The following CCDC40 variants were observed in gnomAD, a reference collection of about 807,000 sequenced individuals.
The protein encoded by CCDC40 is coiled-coil domain 40 molecular ruler complex subunit.
Under a neutral mutation model 124.5 loss-of-function variants are expected in CCDC40, and 104 were observed. The observed-to-expected ratio is 0.84, with a 90% confidence interval of 0.71 to 0.98. The LOEUF is 0.98. CCDC40 is among the 50% of genes least tolerant of loss of function. The pLI is 0.00. For missense variants in CCDC40, 1,463 were observed against 1,503.9 expected (o/e 0.97, Z 0.45); for synonymous variants, 580 against 602.9 (o/e 0.96, Z 0.56).
intron 16 of CCDC40, among the ~76,000 whole-genome samples, chr17:80,089,400 A>G (rs1180100058): frequency 6.6e-6 from 1 of 152,242 alleles, no homozygotes; most frequent in Admixed American, 6.5e-5. Context: ...CTTTGGTGAC[A>G]TTTAAATAGC....
At position 80,099,733 on chromosome 17, in the gene CCDC40, C is replaced by G; in HGVS notation, c.3387C>G (p.Ser1129Arg). 1 of 1,613,612 alleles carries G rather than the reference C, an allele frequency of 6.2e-7. No individual in the cohort carries two copies. ...PQFQEALHKV[S>R]QMIANKLESP... is the part of the protein sequence containing the mutation. ...TCCAGGAGGCCCTGCACAAGGTCAG[C>G]CAGATGATCGCCAACAAGCTCGAGT... Residue 1129 changes from serine to arginine, a missense_variant, in exon 20 of 20, where the codon AGC becomes AGG. Physicochemically the swap from Ser to Arg is moderately radical, Grantham distance 110. Transcript: ENST00000397545.
At chr17:80,090,643 C>A in intron 17 of CCDC40, 1 of 1,445,418 alleles carries the variant, frequency 6.9e-7, no homozygotes, top group South Asian at 1.4e-5. Context: ...CAGAGAGCAC[C>A]CCCATCTCAT....
intron 3 of CCDC40, among the ~76,000 whole-genome samples, chr17:80,046,916 G>A (rs2037434373): frequency 6.6e-6 from 1 of 152,180 alleles, no homozygotes; most frequent in African/African-American, 2.4e-5. Context: ...TGTGATCTCT[G>A]CTCACTGCAA....
chr17:80,072,488 C>G (rs1431975305), intron 10 of CCDC40, among the ~76,000 whole-genome samples: 1 of 152,080 alleles, frequency 6.6e-6, no homozygotes, highest in African/African-American at 2.4e-5. Flanking sequence ...TTTTTATTGT[C>G]AAATTTAGAC....
At chr17:80,090,572 T>C in intron 17 of CCDC40, 4 of 1,499,440 alleles carry the variant, frequency 2.7e-6, no homozygotes, top group East Asian at 2.5e-5. Flanking sequence ...GTTGTAACCC[T>C]CAAACTTTGT....
chr17:80,090,332 CACGTGCACGAACAAGGGACGCGCGCA>C, intron 17 of CCDC40: 2 of 639,910 alleles, frequency 3.1e-6, no homozygotes, highest in Non-Finnish European at 4.7e-6. Context: ...CGCGCGCAGG[CACGTGCACGAACAAGGGACGCGCGCA>C]GGCACGTGCA....
chr17:80,073,416 T>C (rs1348160775), intron 10 of CCDC40, among the ~76,000 whole-genome samples: 1 of 152,234 alleles, frequency 6.6e-6, no homozygotes, highest in Admixed American at 6.5e-5. Context: ...TATTTCAAAC[T>C]TTTTCATTGT....
chr17:80,083,373 T>A (rs530078097), intron 12 of CCDC40, among the ~76,000 whole-genome samples: 3 of 152,098 alleles, frequency 2.0e-5, no homozygotes, highest in South Asian at 2.1e-4. Context: ...GGACATTGGG[T>A]CTCCTGGGAA....
chr17:80,040,193 C>T lies in CCDC40; in HGVS notation c.475C>T (p.Pro159Ser). 6.2e-7 allele frequency: 1 copy of T among 1,613,930 alleles called. No homozygotes were observed. Among genetic ancestry groups the T allele is most frequent in the Non-Finnish European group, 8.5e-7 (1 of 1,179,910 alleles). Residue 159 changes from proline to serine, a missense_variant, in exon 3 of 20, where the codon CCA (proline) becomes TCA (serine). By Grantham distance (74) the Pro-to-Ser change is moderately conservative. Transcript: ENST00000397545. ...ATCCAGAGAAAGGAGGGTCACCTCC[C>T]CAGAGCCATCCCACGGAGTCTTAGG... ...PESRERRVTS[P>S]EPSHGVLGPS...
In CCDC40 at chr17:80,087,700, A is replaced by G. The variant is rs1348404564; in HGVS notation, c.2543A>G (p.Asn848Ser). The change falls in exon 15 of 20, where the codon AAT becomes AGT. Residue 848 changes from asparagine (N) to serine (S), a missense_variant. By Grantham distance (46) the Asn-to-Ser change is conservative. Coordinates refer to ENST00000397545, the MANE Select transcript of CCDC40 (RefSeq NM_017950.4). This position sits in a 1 kb window ranked among gnomAD's most constrained non-coding sequence, Gnocchi z 4.5. Reference sequence around the variant, plus strand: ...CTGAAGAAGCTCAACATGTTGATGAATAAAAACCGGTGCAGCTCGGAGGAG... The same window carrying G: ...CTGAAGAAGCTCAACATGTTGATGAGTAAAAACCGGTGCAGCTCGGAGGAG... ...NDLKKLNMLM[N>S]KNRCSSEELE... 5 of 1,613,932 alleles carry G rather than the reference A, an allele frequency of 3.1e-6. No individual in the cohort carries two copies. In the African/African-American group the frequency reaches 6.7e-5, roughly 22 times the overall value.
chr17:80,056,012 A>ATTTTTTTTTTTT (rs1278622929), intron 7 of CCDC40, among the ~76,000 whole-genome samples: 15 of 14,134 alleles, frequency 1.1e-3, no homozygotes, highest in Non-Finnish European at 1.6e-3. Context: ...ATATATATAT[A>ATTTTTTTTTTTT]TATATTTTTT....
chr17:80,063,212 G>T (rs1352679453), intron 9 of CCDC40, among the ~76,000 whole-genome samples: 4 of 151,926 alleles, frequency 2.6e-5, no homozygotes, highest in Non-Finnish European at 4.4e-5. Context: ...AAATTAATAG[G>T]AGATTATGAA....
intron 19 of CCDC40, among the ~76,000 whole-genome samples, chr17:80,099,098 C>T (rs111846554): frequency 0.13 from 20,013 of 149,396 alleles, 1,493 homozygotes; most frequent in East Asian, 0.29. Flanking sequence ...CTGGCTAACA[C>T]GGTGAAACCC....
chr17:80,082,145 G>A (rs1362341963), intron 12 of CCDC40, 87 bp downstream of exon 12: 7 of 1,214,732 alleles, frequency 5.8e-6, no homozygotes, highest in Admixed American at 1.8e-5. Context: ...CGGAGAGGGC[G>A]GAGTCAGTGT....
At position 80,097,224 on chromosome 17, in the gene CCDC40, A is replaced by G. The variant is rs368433771; in HGVS notation, c.3022-21A>G. On this transcript the variant is annotated intron_variant, in intron 18 of 19. Coordinates refer to ENST00000397545, the MANE Select transcript of CCDC40 (RefSeq NM_017950.4). ...AGTAGCCGGGCTGCAGGGGCCCAGC[A>G]TGGTCCTGTGATTCTCCTAGGCCAC... The G allele has an allele frequency of 5.7e-5, 92 of 1,613,746 alleles. No homozygotes were observed. In the African/African-American group the frequency reaches 1.1e-3, roughly 18 times the overall value.
chr17:80,089,836 C>T lies in CCDC40; in HGVS notation c.2784C>T (p.Ile928=), dbSNP rs118143944. 24,149 of 1,614,194 alleles carry T rather than the reference C, an allele frequency of 0.015. 232 individuals carry two copies. Among genetic ancestry groups the T allele is most frequent in the Non-Finnish European group, 0.019 (22,122 of 1,179,986 alleles). The change falls in exon 17 of 20, where the codon ATC becomes ATT. Residue 928 remains isoleucine, a synonymous_variant. Coordinates refer to ENST00000397545, the MANE Select transcript of CCDC40 (RefSeq NM_017950.4). Reference sequence around the variant, plus strand: ...TGCGTTCCTCAGTGGATTCCGAGATCGGCCAGACGGAGATCCGGGCCATGA... The same window carrying T: ...TGCGTTCCTCAGTGGATTCCGAGATTGGCCAGACGGAGATCCGGGCCATGA... ...KEMRSSVDSE[I]GQTEIRAMKG...
At chr17:80,039,704 G>A in intron 2 of CCDC40, 108 bp from the exon 3 acceptor site, 1 of 1,382,636 alleles carries the variant, frequency 7.2e-7, no homozygotes, top group Non-Finnish European at 9.9e-7. Flanking sequence ...ATGCTGAGAA[G>A]GGTATAAATG....
At position 80,050,052 on chromosome 17, in the gene CCDC40, T is replaced by A. The variant is rs1203138956; in HGVS notation, c.940-12T>A. 6.2e-7 allele frequency: 1 copy of A among 1,613,812 alleles called. No individual in the cohort carries two copies. Among genetic ancestry groups the A allele is most frequent in the African/African-American group, 1.3e-5 (1 of 74,838 alleles). ...CTGCGTCCTGGTGACCCTGTTTCTCTCTTTGGTCCAGGTTGTGGCTACCAA... is the reference window on the plus strand; with the variant it reads ...CTGCGTCCTGGTGACCCTGTTTCTCACTTTGGTCCAGGTTGTGGCTACCAA... On this transcript the variant is annotated splice_polypyrimidine_tract_variant and intron_variant, in intron 6 of 19. Coordinates refer to ENST00000397545, the MANE Select transcript of CCDC40 (RefSeq NM_017950.4).
chr17:80,039,588 T>C (rs1021030366), intron 2 of CCDC40, among the ~76,000 whole-genome samples: 4 of 151,834 alleles, frequency 2.6e-5, no homozygotes, highest in Non-Finnish European at 5.9e-5. Flanking sequence ...ATTTTTGTAT[T>C]TTTAGTAGAG....
Sources: allele counts gnomAD v4.1 joint callset (sites outside exome capture counted in the v4.1 genomes callset), GRCh38; gene constraint gnomAD v4.1.1; non-coding constraint Gnocchi (gnomAD v3.1); transcripts MANE v1.5; gene names NCBI Gene and HGNC (gene_info 2026-07-23, HGNC 2026-07-21).